The following NALF1 variants were observed in gnomAD, a reference collection of about 807,000 sequenced individuals.
NALF1 encodes NALCN channel auxiliary factor 1.
Under a neutral mutation model 48.4 loss-of-function variants are expected in NALF1, and 3 were observed. The observed-to-expected ratio is 0.06, with a 90% CI of 0.03 to 0.16. The LOEUF (loss-of-function observed/expected upper bound fraction) is 0.16, where lower values mean the gene tolerates loss of function less well. Among genes scored for constraint, NALF1 ranks in the 10% least tolerant of loss-of-function variants. The probability of loss-of-function intolerance (pLI) is 1.00; values close to 1 mark genes in which losing one functional copy is unlikely to be tolerated. For missense variants in NALF1, 526 were observed against 571.5 expected, an observed-to-expected ratio of 0.92 and a Z score of 0.81; for synonymous variants, 262 against 245.7, an observed-to-expected ratio of 1.07 and a Z score of -0.62.
chr13:107,515,170 AG>A (rs2139090898), intron 1 of NALF1, among the ~76,000 whole-genome samples: 1 of 152,338 alleles, frequency 6.6e-6, no homozygotes, highest in South Asian at 2.1e-4. Flanking sequence ...TAATCACTAT[AG>A]AAACTACTCC....
chr13:107,691,614 T>A (rs976342943), intron 1 of NALF1, among the ~76,000 whole-genome samples: 1 of 152,220 alleles, frequency 6.6e-6, no homozygotes, highest in Non-Finnish European at 1.5e-5. Flanking sequence ...GGAGCAAGTA[T>A]CTAAAATCCA....
At chr13:107,819,601 G>A (rs1008238506) in intron 1 of NALF1, among the ~76,000 whole-genome samples, 1 of 151,640 alleles carries the variant, frequency 6.6e-6, no homozygotes. Context: ...GCAAGGTCTA[G>A]ATTTAAATGA....
At chr13:107,715,992 G>T (rs1594224819) in intron 1 of NALF1, among the ~76,000 whole-genome samples, 1 of 152,216 alleles carries the variant, frequency 6.6e-6, no homozygotes, top group East Asian at 1.9e-4. Context: ...TTCTGAGTTT[G>T]CTAAGTTCGA....
chr13:107,290,286 G>A (rs1881594620), intron 1 of NALF1, among the ~76,000 whole-genome samples: 1 of 151,908 alleles, frequency 6.6e-6, no homozygotes, highest in Admixed American at 6.6e-5. Context: ...AGTAACCTGT[G>A]TAATTCCCTC....
intron 1 of NALF1, among the ~76,000 whole-genome samples, chr13:107,658,702 C>G (rs1377817390): frequency 6.6e-6 from 1 of 152,100 alleles, no homozygotes; most frequent in African/African-American, 2.4e-5. Flanking sequence ...TTCCCTCACT[C>G]CCGCTCCACT....
intron 1 of NALF1, among the ~76,000 whole-genome samples, chr13:107,827,530 T>A (rs1879556924): frequency 6.6e-6 from 1 of 152,232 alleles, no homozygotes. Flanking sequence ...AACATGGGTC[T>A]GGCCATCGGG....
chr13:107,186,212 C>T (rs746782901), intron 2 of NALF1, among the ~76,000 whole-genome samples: 12 of 152,140 alleles, frequency 7.9e-5, no homozygotes, highest in Admixed American at 2.0e-4. Context: ...TAGTATCCAC[C>T]GGGGGATGCT....
At chr13:107,737,451 T>C (rs968397704) in intron 1 of NALF1, among the ~76,000 whole-genome samples, 13 of 152,210 alleles carry the variant, frequency 8.5e-5, no homozygotes, top group African/African-American at 3.1e-4. Context: ...TTAAAACAAA[T>C]TGATGGGAAA....
chr13:107,375,933 CACACACACACAT>C (rs1594143597), intron 1 of NALF1, among the ~76,000 whole-genome samples: 1 of 152,038 alleles, frequency 6.6e-6, no homozygotes, highest in East Asian at 1.9e-4. Flanking sequence ...TACACACACA[CACACACACACAT>C]ACACACACAC....
chr13:107,191,584 C>A (rs763960794), intron 2 of NALF1, among the ~76,000 whole-genome samples: 1 of 152,128 alleles, frequency 6.6e-6, no homozygotes, highest in African/African-American at 2.4e-5. Context: ...AAGCCGGGGT[C>A]CTAGGAGCTT....
chr13:107,841,705 A>G (rs1211692254), intron 1 of NALF1, among the ~76,000 whole-genome samples: 1 of 151,958 alleles, frequency 6.6e-6, no homozygotes, highest in Non-Finnish European at 1.5e-5. Flanking sequence ...TTTTGTTTTA[A>G]CAAATCACAT....
intron 1 of NALF1, among the ~76,000 whole-genome samples, chr13:107,462,317 A>AT (rs913093831): frequency 6.6e-6 from 1 of 152,240 alleles, no homozygotes; most frequent in Non-Finnish European, 1.5e-5. Context: ...AGAAAAAAAA[A>AT]TAAACTTGTG....
intron 1 of NALF1, among the ~76,000 whole-genome samples, chr13:107,256,229 G>A (rs1338517558): frequency 6.6e-6 from 1 of 152,128 alleles, no homozygotes; most frequent in Non-Finnish European, 1.5e-5. Flanking sequence ...TGCTGTCTGC[G>A]CTCTTGAGAT....
intron 1 of NALF1, among the ~76,000 whole-genome samples, chr13:107,861,460 A>G (rs906259595): frequency 2.0e-5 from 3 of 152,246 alleles, no homozygotes; most frequent in African/African-American, 7.2e-5. Context: ...TAAGTGATAA[A>G]AAATTGTAAG....
intron 1 of NALF1, among the ~76,000 whole-genome samples, chr13:107,712,745 G>T (rs996677476): frequency 3.3e-5 from 5 of 152,206 alleles, no homozygotes; most frequent in African/African-American, 9.6e-5. Flanking sequence ...AGTGTGAAAG[G>T]CGTGTATGAA....
At chr13:107,650,573 G>A (rs1180013766) in intron 1 of NALF1, among the ~76,000 whole-genome samples, 1 of 151,868 alleles carries the variant, frequency 6.6e-6, no homozygotes, top group Non-Finnish European at 1.5e-5. Flanking sequence ...GGGCTTTGGT[G>A]ACTTGGGGAG....
intron 1 of NALF1, among the ~76,000 whole-genome samples, chr13:107,314,974 A>G (rs1159232852): frequency 6.6e-6 from 1 of 152,154 alleles, no homozygotes; most frequent in Admixed American, 6.6e-5. Context: ...TTTTTCTATG[A>G]AAGTATCAAC....
chr13:107,663,262 T>C (rs1880774030), intron 1 of NALF1, among the ~76,000 whole-genome samples: 1 of 152,204 alleles, frequency 6.6e-6, no homozygotes, highest in Admixed American at 6.5e-5. Context: ...GCACATAAAA[T>C]TCATTCATCA....
At chr13:107,470,416 C>T (rs1397137106) in intron 1 of NALF1, among the ~76,000 whole-genome samples, 1 of 152,178 alleles carries the variant, frequency 6.6e-6, no homozygotes, top group Non-Finnish European at 1.5e-5. Context: ...TGGCTACAGA[C>T]AGTCAGACAC....
Sources: allele counts gnomAD v4.1 joint callset (sites outside exome capture counted in the v4.1 genomes callset), GRCh38; gene constraint gnomAD v4.1.1; transcripts MANE v1.5; gene names NCBI Gene and HGNC (gene_info 2026-07-23, HGNC 2026-07-21).